The following SYNPR variants were observed in gnomAD, a reference collection of about 807,000 sequenced individuals.
The protein encoded by SYNPR is synaptoporin.
SYNPR carries 23 observed loss-of-function variants against 32.9 expected under a neutral mutation model. The ratio of observed to expected loss-of-function variants is 0.70; its 90% CI spans 0.50 to 0.99. The LOEUF (loss-of-function observed/expected upper bound fraction) is 0.99. Among genes scored for constraint, SYNPR ranks in the 50% least tolerant of loss-of-function variants. The probability of loss-of-function intolerance (pLI) is 0.00; values close to 1 mark genes in which losing one functional copy is unlikely to be tolerated. For missense variants in SYNPR, 318 were observed against 349.3 expected (o/e 0.91, Z 0.71); for synonymous variants, 146 against 135.9 (o/e 1.07, Z -0.52).
At chr3:63,395,510 A>G (rs991109435) in intron 2 of SYNPR, among the ~76,000 whole-genome samples, 3 of 152,176 alleles carry the variant, frequency 2.0e-5, no homozygotes, top group Admixed American at 1.3e-4. Flanking sequence ...GAAACTCATA[A>G]CAATCCTGTG....
At chr3:63,408,247 AAG>A (rs2088400228) in intron 2 of SYNPR, among the ~76,000 whole-genome samples, 2 of 120,230 alleles carry the variant, frequency 1.7e-5, no homozygotes, top group African/African-American at 7.3e-5. Context: ...GAAAGAAAGA[AAG>A]AAAGAAAGAA....
intron 2 of SYNPR, among the ~76,000 whole-genome samples, chr3:63,384,351 T>C (rs762431127): frequency 6.6e-6 from 1 of 152,220 alleles, no homozygotes; most frequent in African/African-American, 2.4e-5. Flanking sequence ...TCCACGAATA[T>C]CATTTTTTAC....
At chr3:63,512,725 G>A (rs75676869) in intron 3 of SYNPR, among the ~76,000 whole-genome samples, 15,902 of 152,194 alleles carry the variant, frequency 0.1, 1,004 homozygotes, top group Admixed American at 0.14. Flanking sequence ...ATGGATTCTC[G>A]TCAGAGGCTC....
intron 2 of SYNPR, among the ~76,000 whole-genome samples, chr3:63,469,456 G>C (rs889993224): frequency 1.6e-4 from 25 of 152,132 alleles, no homozygotes; most frequent in African/African-American, 5.6e-4. Context: ...TGGTAGGTTA[G>C]AAACTTCAGG....
chr3:63,334,389 G>A (rs1472715837), intron 2 of SYNPR, among the ~76,000 whole-genome samples: 1 of 152,206 alleles, frequency 6.6e-6, no homozygotes, highest in East Asian at 1.9e-4. Context: ...AGAGGTGAAG[G>A]TTGCTTGCCT....
chr3:63,478,583 T>C (rs1700979396), intron 2 of SYNPR, among the ~76,000 whole-genome samples: 1 of 152,214 alleles, frequency 6.6e-6, no homozygotes, highest in Non-Finnish European at 1.5e-5. Flanking sequence ...TTCTTACTTT[T>C]ATGTGCACAA....
intron 1 of SYNPR, among the ~76,000 whole-genome samples, chr3:63,232,549 A>T (rs1042627092): frequency 6.6e-6 from 1 of 152,158 alleles, no homozygotes; most frequent in African/African-American, 2.4e-5. Context: ...GATAATGCAG[A>T]ATTATTTTCT....
intron 3 of SYNPR, among the ~76,000 whole-genome samples, chr3:63,485,638 A>G (rs1901303): frequency 0.46 from 69,954 of 151,922 alleles, 16,412 homozygotes; most frequent in African/African-American, 0.57. Context: ...AAGTCTTCAA[A>G]ATATGATATT....
At chr3:63,250,307 T>C (rs2086321494) in intron 1 of SYNPR, among the ~76,000 whole-genome samples, 1 of 151,886 alleles carries the variant, frequency 6.6e-6, no homozygotes, top group East Asian at 1.9e-4. Context: ...AATTATTACA[T>C]GTCAACTAAA....
intron 1 of SYNPR, among the ~76,000 whole-genome samples, chr3:63,247,385 C>T (rs1483949562): frequency 6.6e-6 from 1 of 151,978 alleles, no homozygotes; most frequent in East Asian, 1.9e-4. Context: ...AGTAGGATGA[C>T]AGCTACTCCC....
At chr3:63,556,361 T>A (rs762200085) in intron 3 of SYNPR, among the ~76,000 whole-genome samples, 182 bp from the exon 4 acceptor site, 44 of 152,220 alleles carry the variant, frequency 2.9e-4, no homozygotes, top group Non-Finnish European at 6.2e-4. Context: ...GATGATTAGC[T>A]GCAATATTGA....
intron 2 of SYNPR, among the ~76,000 whole-genome samples, chr3:63,367,288 A>G (rs953849869): frequency 1.3e-5 from 2 of 152,228 alleles, no homozygotes; most frequent in Non-Finnish European, 2.9e-5. Context: ...AGACTCCTAC[A>G]TAAATACAGT....
chr3:63,439,147 C>A (rs756746187), intron 2 of SYNPR, among the ~76,000 whole-genome samples: 6 of 152,148 alleles, frequency 3.9e-5, no homozygotes, highest in Non-Finnish European at 1.5e-5. Context: ...AAAAAAAATT[C>A]TTTTGAAGTT....
At chr3:63,322,849 A>G (rs2087125769) in intron 2 of SYNPR, among the ~76,000 whole-genome samples, 1 of 152,058 alleles carries the variant, frequency 6.6e-6, no homozygotes, top group African/African-American at 2.4e-5. Flanking sequence ...TTGAGAGTAA[A>G]ATTTTATGGA....
intron 2 of SYNPR, among the ~76,000 whole-genome samples, chr3:63,370,067 C>T (rs191847862): frequency 6.6e-6 from 1 of 152,248 alleles, no homozygotes; most frequent in Admixed American, 6.5e-5. Context: ...GAGGCTCTGT[C>T]CTTGTAGATA....
chr3:63,219,662 G>A, the SYNPR span, among the ~76,000 whole-genome samples: 22 of 151,854 alleles, frequency 1.4e-4, no homozygotes, highest in Admixed American at 3.9e-4. Context: ...CTGTATTATC[G>A]CAATAAAGTA....
intron 2 of SYNPR, among the ~76,000 whole-genome samples, chr3:63,259,596 G>A (rs1197525633): frequency 6.6e-6 from 1 of 152,186 alleles, no homozygotes; most frequent in Non-Finnish European, 1.5e-5. Context: ...AGCTATCTAT[G>A]ACAAACCCAC....
intron 2 of SYNPR, among the ~76,000 whole-genome samples, chr3:63,435,590 C>G (rs1360063473): frequency 6.6e-6 from 1 of 152,194 alleles, no homozygotes; most frequent in Admixed American, 6.5e-5. Flanking sequence ...TTGACTGCCC[C>G]TAGCACACCC....
intron 2 of SYNPR, among the ~76,000 whole-genome samples, chr3:63,340,489 G>A (rs1183970600): frequency 4.9e-5 from 7 of 141,438 alleles, no homozygotes; most frequent in East Asian, 2.1e-4. Flanking sequence ...GCGGGATCTC[G>A]GCTCACTGCA....
Sources: gnomAD v4.1 joint callset for allele counts (sites outside exome capture counted in the v4.1 genomes callset) on GRCh38, gnomAD v4.1.1 for gene constraint, MANE v1.5 for transcripts, NCBI Gene and HGNC (gene_info 2026-07-23, HGNC 2026-07-21) for gene names.